MRPS15: variants seen among roughly 807,000 people sequenced by gnomAD.
MRPS15 encodes small ribosomal subunit protein uS15m.
MRPS15 carries 25 observed loss-of-function variants against 30.7 expected under a neutral mutation model. That is an observed-to-expected ratio of 0.81 (90% CI 0.59 to 1.14). The LOEUF (loss-of-function observed/expected upper bound fraction) is 1.14, where lower values mean the gene tolerates loss of function less well. Among genes scored for constraint, MRPS15 ranks in the 50% most tolerant of loss-of-function variants. The pLI is 0.00. For missense variants in MRPS15, 313 were observed against 321.7 expected (o/e 0.97, Z 0.21); for synonymous variants, 124 against 120.1 (o/e 1.03, Z -0.21).
chr1:36,463,804 A>G lies in MRPS15; in HGVS notation c.175+2T>C, dbSNP rs1259733300. 4 of 1,611,850 alleles carry G rather than the reference A, an allele frequency of 2.5e-6. No homozygotes were observed. The African/African-American group carries it at 4.0e-5, about 16-fold the overall frequency. On this transcript the variant is annotated splice_donor_variant, in intron 2 of 7. Coordinates refer to ENST00000373116, the MANE Select transcript of MRPS15 (RefSeq NM_031280.4). LOFTEE classifies it high-confidence loss of function. ...CCCAAGTCCCACCTTAGGAACTCCT[A>G]CCTGGTTTCCGGACGACATATCCGC... is the stretch of plus-strand genomic sequence containing the variant.
At chr1:36,457,763 C>A (rs1267127934) in intron 6 of MRPS15, among the ~76,000 whole-genome samples, 160 bp downstream of exon 6, 1 of 152,218 alleles carries the variant, frequency 6.6e-6, no homozygotes, top group Non-Finnish European at 1.5e-5. Flanking sequence ...CCCCTGGTGA[C>A]ACTCAGCATG....
In MRPS15 at chr1:36,462,280, G is replaced by A. The variant is rs2297894; in HGVS notation, c.176-117C>T. On this transcript the variant is annotated intron_variant, in intron 2 of 7. Transcript: ENST00000373116. ...CCAGAAGGGACATTCAGGGTCTCAAGCAAAGCACTGGATATCTCTCGGCTC... is the reference window on the plus strand; with the variant it reads ...CCAGAAGGGACATTCAGGGTCTCAAACAAAGCACTGGATATCTCTCGGCTC... 9.9e-4 allele frequency: 683 copies of A among 689,706 alleles called. 12 individuals are homozygous for A. The East Asian group carries it at 0.019, about 19-fold the overall frequency. The allele number at this position is 689,706 out of a possible 1,614,324, so 42.7% of individuals were successfully genotyped here.
In MRPS15 at chr1:36,464,352, C is replaced by T; in HGVS notation, c.-77G>A. 4 of 1,543,224 alleles carry T rather than the reference C, an allele frequency of 2.6e-6. No homozygotes were observed. The highest frequency in any genetic ancestry group is 3.5e-6 in the Non-Finnish European group (4 of 1,144,060). On this transcript the variant is annotated 5_prime_UTR_variant, in exon 1 of 8. Transcript: ENST00000373116. The stretch of plus-strand genomic sequence containing the variant: ...GGCACGGACCGGGTTACATGGGCGC[C>T]GCCATGCTGGCCCAGGATCGACCAA...
chr1:36,457,899 C>T lies in MRPS15; in HGVS notation c.444+24G>A, dbSNP rs1484221619. The T allele has an allele frequency of 5.6e-6, 9 of 1,612,672 alleles. No individual in the cohort carries two copies. In the East Asian group the frequency reaches 1.6e-4, roughly 28 times the overall value. On this transcript the variant is annotated intron_variant, in intron 6 of 7. Transcript: ENST00000373116. ...TTTCCCCCAGGCTGCTGCTGTTTAA[C>T]TGTGAATGACGTCCAGAGTTTACCT...
At chr1:36,462,349 C>T (rs1650115913) in intron 2 of MRPS15, among the ~76,000 whole-genome samples, 186 bp from the exon 3 acceptor site, 3 of 152,204 alleles carry the variant, frequency 2.0e-5, no homozygotes, top group African/African-American at 7.2e-5. Context: ...TTTGATATTT[C>T]ATGTTGCGAG....
rs1287809439 is a variant in MRPS15, at chr1:36,458,049, G to A, written c.386-68C>T. On this transcript the variant is annotated intron_variant, in intron 5 of 7. Transcript: ENST00000373116. The surrounding 1 kb of genome is among the most constrained non-coding windows in gnomAD (Gnocchi z 4.5). ...AAGGAAGGGCCCAGGCCTGGTTTAC[G>A]TTTTAAGAACTCAAGGAATAACAAT... 56 of 1,370,016 alleles carry A rather than the reference G, an allele frequency of 4.1e-5. No homozygotes were observed. The highest frequency in any genetic ancestry group is 5.3e-5 in the Non-Finnish European group (51 of 957,666). The allele number at this position is 1,370,016 out of a possible 1,614,324, so 84.9% of individuals were successfully genotyped here.
chr1:36,462,312 TC>T, intron 2 of MRPS15, 149 bp from the exon 3 acceptor site: 1 of 596,242 alleles, frequency 1.7e-6, no homozygotes, highest in Non-Finnish European at 3.0e-6. Flanking sequence ...GCTCAGTTTC[TC>T]CTTTGCAAAC....
Position 36,458,037 on chromosome 1 carries a change from G to C in MRPS15, c.386-56C>G. 1 of 1,495,506 alleles carries C rather than the reference G, an allele frequency of 6.7e-7. No individual in the cohort carries two copies. Among genetic ancestry groups the C allele is most frequent in the Non-Finnish European group, 9.3e-7 (1 of 1,072,020 alleles). 92.6% of individuals were successfully genotyped at this position (1,495,506 alleles called of 1,614,324 possible). A position where few individuals can be genotyped will look rare whatever the true frequency, so the allele number is the denominator to read the frequency against. ...TGGGCACAGAGGAAGGAAGGGCCCA[G>C]GCCTGGTTTACGTTTTAAGAACTCA... On this transcript the variant is annotated intron_variant, in intron 5 of 7. Transcript: ENST00000373116. This position sits in a 1 kb window ranked among gnomAD's most constrained non-coding sequence, Gnocchi z 4.5.
chr1:36,456,406 AT>A (rs756186212), intron 6 of MRPS15, 28 bp from the exon 7 acceptor site: 1 of 1,563,638 alleles, frequency 6.4e-7, no homozygotes, highest in Non-Finnish European at 8.7e-7. Flanking sequence ...TACTTTTAGT[AT>A]TATATAAGTG....
At position 36,464,185 on chromosome 1, in the gene MRPS15, C is replaced by T. The variant is rs778872786; in HGVS notation, c.91G>A (p.Ala31Thr). Residue 31 changes from alanine (A) to threonine (T), a missense_variant, in exon 1 of 8, where the codon GCC becomes ACC. Physicochemically the swap from Ala to Thr is moderately conservative, Grantham distance 58 (BLOSUM62 0). Coordinates refer to ENST00000373116, the MANE Select transcript of MRPS15 (RefSeq NM_031280.4). ...CCCCACTGGTTGAAAGGAAACTTGG[C>T]GCTCCCACCGCCCGGCAGCCCGGGT... The part of the protein sequence containing the change: ...LVPGLPGGGS[A>T]KFPFNQWGLQ... 6.2e-7 allele frequency: 1 copy of T among 1,613,858 alleles called. No homozygotes were observed. The highest frequency in any genetic ancestry group is 2.2e-5 in the East Asian group (1 of 44,862).
At position 36,464,337 on chromosome 1, in the gene MRPS15, G is replaced by C; in HGVS notation, c.-62C>G. The stretch of plus-strand genomic sequence containing the variant: ...CGCCGTTCGCTTTGCGGCACGGACC[G>C]GGTTACATGGGCGCCGCCATGCTGG... On this transcript the variant is annotated 5_prime_UTR_variant, in exon 1 of 8. Transcript: ENST00000373116. 3.2e-6 allele frequency: 5 copies of C among 1,563,442 alleles called. No individual in the cohort carries two copies. In the South Asian group the frequency reaches 5.9e-5, roughly 18 times the overall value.
Position 36,457,922 on chromosome 1 carries a change from C to T in MRPS15, c.444+1G>A. ...AACTGTGAATGACGTCCAGAGTTTA[C>T]CTTTCGATGTTTCTCCAAGTGTTCT... is the stretch of plus-strand genomic sequence containing the variant. On this transcript the variant is annotated splice_donor_variant, in intron 6 of 7. Coordinates refer to ENST00000373116, the MANE Select transcript of MRPS15 (RefSeq NM_031280.4). LOFTEE classifies it high-confidence loss of function. 1 of 1,614,150 alleles carries T rather than the reference C, an allele frequency of 6.2e-7. No individual in the cohort carries two copies. Among genetic ancestry groups the T allele is most frequent in the Non-Finnish European group, 8.5e-7 (1 of 1,179,962 alleles).
At chr1:36,461,089 A>G (rs1650089694) in intron 4 of MRPS15, among the ~76,000 whole-genome samples, 175 bp downstream of exon 4, 1 of 152,224 alleles carries the variant, frequency 6.6e-6, no homozygotes, top group Non-Finnish European at 1.5e-5. Context: ...TGGGGGAACA[A>G]AAGTGTCCCT....
chr1:36,464,104 CCT>C, intron 1 of MRPS15, 40 bp downstream of exon 1: 1 of 1,603,952 alleles, frequency 6.2e-7, no homozygotes, highest in Non-Finnish European at 8.5e-7. Flanking sequence ...TTCGCCGAAC[CCT>C]GTTTCCCTAC....
Position 36,457,938 on chromosome 1 carries a change from C to CAA in MRPS15, c.427_428dup (p.Leu143PhefsTer16). 1 of 1,614,140 alleles carries CAA rather than the reference C, an allele frequency of 6.2e-7. No individual in the cohort carries two copies. On this transcript the variant is annotated frameshift_variant, in exon 6 of 8. Transcript: ENST00000373116. LOFTEE classifies it high-confidence loss of function. ...CAGAGTTTACCTTTCGATGTTTCTC[C>CAA]AAGTGTTCTTCATAACTGCGGATCT...
chr1:36,459,957 C>A (rs1650062904), intron 5 of MRPS15, among the ~76,000 whole-genome samples: 2 of 152,196 alleles, frequency 1.3e-5, no homozygotes, highest in African/African-American at 4.8e-5. Context: ...CAACATTATT[C>A]CCTTGGGAAT....
chr1:36,460,564 T>C, intron 5 of MRPS15, 128 bp downstream of exon 5: 1 of 707,014 alleles, frequency 1.4e-6, no homozygotes, highest in South Asian at 1.7e-5. Context: ...CAATTTTCAT[T>C]GCCCTAGGTC....
At chr1:36,455,986 A>G in intron 7 of MRPS15, 61 bp from the exon 8 acceptor site, 3 of 1,583,246 alleles carry the variant, frequency 1.9e-6, no homozygotes, top group South Asian at 1.2e-5. Flanking sequence ...CAGACTTGGA[A>G]CAAGTGGGAT....
Position 36,464,290 on chromosome 1 carries a change from C to G in MRPS15, c.-15G>C, listed in dbSNP as rs377434898. The G allele has an allele frequency of 6.3e-7, 1 of 1,596,940 alleles. No individual in the cohort carries two copies. Among genetic ancestry groups the G allele is most frequent in the Non-Finnish European group, 8.5e-7 (1 of 1,172,598 alleles). Reference sequence around the variant, plus strand: ...ACCCTCAGCATGGTGACCTCTAACCCCCGCGGGGCCCGCGCCGCGGCCGCC... The same window carrying G: ...ACCCTCAGCATGGTGACCTCTAACCGCCGCGGGGCCCGCGCCGCGGCCGCC... On this transcript the variant is annotated 5_prime_UTR_variant, in exon 1 of 8. Coordinates refer to ENST00000373116, the MANE Select transcript of MRPS15 (RefSeq NM_031280.4).
Sources: allele counts gnomAD v4.1 joint callset (sites outside exome capture counted in the v4.1 genomes callset), GRCh38; gene constraint gnomAD v4.1.1; non-coding constraint Gnocchi (gnomAD v3.1); transcripts MANE v1.5; gene names NCBI Gene and HGNC (gene_info 2026-07-23, HGNC 2026-07-21).